AGBL1: variants seen among roughly 807,000 people sequenced by gnomAD.
The protein encoded by AGBL1 is AGBL carboxypeptidase 1, also known as cytosolic carboxypeptidase 4.
AGBL1 carries 130 observed loss-of-function variants against 118.9 expected under a neutral mutation model. That is an observed-to-expected ratio of 1.09 (90% CI 0.95 to 1.26). The LOEUF (loss-of-function observed/expected upper bound fraction) is 1.26. Among genes scored for constraint, AGBL1 ranks in the 50% most tolerant of loss-of-function variants. The probability of loss-of-function intolerance (pLI) is 0.00; values close to 1 mark genes in which losing one functional copy is unlikely to be tolerated. For synonymous variants in AGBL1, 555 were observed against 478.9 expected (o/e 1.16, Z -2.08); for missense variants, 1,584 against 1,298.1 (o/e 1.22, Z -3.38).
At chr15:86,963,923 A>C (rs1400407442) in intron 23 of AGBL1, among the ~76,000 whole-genome samples, 3 of 151,820 alleles carry the variant, frequency 2.0e-5, no homozygotes, top group Non-Finnish European at 4.4e-5. Flanking sequence ...ATTATGAGCG[A>C]TTCAAGGGTA....
chr15:86,854,072 G>A (rs899114586), intron 22 of AGBL1, among the ~76,000 whole-genome samples: 4 of 152,138 alleles, frequency 2.6e-5, no homozygotes, highest in Non-Finnish European at 5.9e-5. Context: ...GGCACTGAGA[G>A]AGTTGCAATA....
chr15:86,797,646 T>C (rs2078591638), intron 22 of AGBL1, among the ~76,000 whole-genome samples: 1 of 142,594 alleles, frequency 7.0e-6, no homozygotes, highest in African/African-American at 3.1e-5. Context: ...TATGGAAGAA[T>C]GACAGAGTGT....
intron 21 of AGBL1, among the ~76,000 whole-genome samples, chr15:86,634,357 C>T (rs1370492208): frequency 6.6e-6 from 1 of 152,060 alleles, no homozygotes; most frequent in Admixed American, 6.6e-5. Flanking sequence ...TGTGGTATTT[C>T]CATAGGGTGG....
At chr15:86,363,705 T>C (rs977422181) in intron 17 of AGBL1, among the ~76,000 whole-genome samples, 1 of 152,182 alleles carries the variant, frequency 6.6e-6, no homozygotes, top group African/African-American at 2.4e-5. Context: ...CTCAAATTCA[T>C]TAATTTAGGC....
Position 86,674,322 on chromosome 15 carries a change from G to T in AGBL1, c.3044G>T (p.Cys1015Phe), listed in dbSNP as rs181958589. 1 of 1,612,102 alleles carries T rather than the reference G, an allele frequency of 6.2e-7. No individual in the cohort carries two copies. Among genetic ancestry groups the T allele is most frequent in the South Asian group, 1.1e-5 (1 of 90,644 alleles). The change falls in exon 22 of 23, where the codon TGT (cysteine) becomes TTT (phenylalanine). Residue 1015 changes from cysteine (C) to phenylalanine (F), a missense_variant. Coordinates refer to ENST00000614907, the MANE Select transcript of AGBL1 (RefSeq NM_001386094.1). ...CTGGAGGAGATGGGAGCCATGTTCTGTTTGGGCCTCCTCATCCTGGAGCTC... is the reference window on the plus strand; with the variant it reads ...CTGGAGGAGATGGGAGCCATGTTCTTTTTGGGCCTCCTCATCCTGGAGCTC... ...RELEEMGAMFCLGLLILELKS... is the reference protein window; with the variant it reads ...RELEEMGAMFFLGLLILELKS...
At position 87,005,573 on chromosome 15, in the gene AGBL1, A is replaced by G. The variant is rs11855130; in HGVS notation, c.3323+17485A>G. Among the ~76,000 whole-genome samples, 5 of 152,054 alleles carry G rather than the reference A, an allele frequency of 3.3e-5. No homozygotes were observed. The South Asian group carries it at 8.3e-4, about 25-fold the overall frequency. On this transcript the variant is annotated intron_variant, in intron 24 of 24. Transcript: ENST00000441037. ...TTTAAGGACTTCTCTGCATTAGTCA[A>G]TCTGATTAGCCATTTGTCTAATCTT... is the stretch of plus-strand genomic sequence containing the variant.
chr15:86,238,565 T>C (rs762466628), intron 6 of AGBL1, among the ~76,000 whole-genome samples: 6 of 152,224 alleles, frequency 3.9e-5, no homozygotes, highest in Admixed American at 2.6e-4. Flanking sequence ...TTCTCAAATC[T>C]AAGTCTATCA....
chr15:86,202,600 A>G (rs11633537), intron 5 of AGBL1, among the ~76,000 whole-genome samples: 368 of 152,302 alleles, frequency 2.4e-3, no homozygotes, highest in Non-Finnish European at 3.6e-3. Context: ...CTGACTAACA[A>G]TGCTTTGTCA....
At chr15:86,445,695 C>T (rs2082112595) in intron 18 of AGBL1, among the ~76,000 whole-genome samples, 2 of 152,194 alleles carry the variant, frequency 1.3e-5, no homozygotes, top group East Asian at 1.9e-4. Context: ...TTCCCTCCAC[C>T]TGACCTCAGA....
At chr15:86,566,476 C>T (rs147435309) in intron 21 of AGBL1, among the ~76,000 whole-genome samples, 1 of 152,240 alleles carries the variant, frequency 6.6e-6, no homozygotes, top group African/African-American at 2.4e-5. Flanking sequence ...GGCAGCTCTC[C>T]ATCAGCAGGG....
chr15:86,823,764 A>G (rs2078972125), intron 22 of AGBL1, among the ~76,000 whole-genome samples: 1 of 152,142 alleles, frequency 6.6e-6, no homozygotes, highest in Non-Finnish European at 1.5e-5. Context: ...ATGTTTTATC[A>G]AAGACCCTAA....
At chr15:86,936,298 GATAAACAAGAAA>G (rs1268797317) in intron 23 of AGBL1, among the ~76,000 whole-genome samples, 1 of 151,940 alleles carries the variant, frequency 6.6e-6, no homozygotes, top group African/African-American at 2.4e-5. Context: ...GAGAACAACA[GATAAACAAGAAA>G]AAAAACAAAA....
chr15:86,708,798 G>A (rs2086501689), intron 22 of AGBL1, among the ~76,000 whole-genome samples: 1 of 151,938 alleles, frequency 6.6e-6, no homozygotes, highest in South Asian at 2.1e-4. Context: ...CCTAGGCCAG[G>A]CCCTCCTTGT....
chr15:86,984,863 A>G (rs894182973), intron 23 of AGBL1, among the ~76,000 whole-genome samples: 2 of 152,186 alleles, frequency 1.3e-5, no homozygotes, highest in Non-Finnish European at 2.9e-5. Context: ...CCACCACTAC[A>G]ATATATACAA....
intron 22 of AGBL1, among the ~76,000 whole-genome samples, chr15:86,708,600 T>C (rs1263298591): frequency 2.0e-5 from 3 of 152,188 alleles, no homozygotes; most frequent in Non-Finnish European, 4.4e-5. Flanking sequence ...GTATATATTA[T>C]GCCAGATTTC....
chr15:86,218,386 T>C (rs2078224105), intron 5 of AGBL1, among the ~76,000 whole-genome samples: 1 of 152,136 alleles, frequency 6.6e-6, no homozygotes, highest in African/African-American at 2.4e-5. Flanking sequence ...GAATGTTAGG[T>C]TGCTGGTATC....
Position 86,507,248 on chromosome 15 carries a change from A to G in AGBL1, c.2556-15562A>G, listed in dbSNP as rs530101771. On this transcript the variant is annotated intron_variant, in intron 18 of 22. Transcript: ENST00000614907. ...AAAAGAATCAAGCTTACTTATCAGT[A>G]AGAAAGATGAAGATCTAATCATTTC... Among the ~76,000 whole-genome samples, 8 of 152,272 alleles carry G rather than the reference A, an allele frequency of 5.3e-5. No homozygotes were observed. The South Asian group carries it at 1.7e-3, about 32-fold the overall frequency.
At chr15:86,771,737 C>G (rs1326602055) in intron 22 of AGBL1, among the ~76,000 whole-genome samples, 2 of 151,962 alleles carry the variant, frequency 1.3e-5, no homozygotes, top group Non-Finnish European at 2.9e-5. Context: ...ATGTAGTTGT[C>G]TTTCTCCTTA....
chr15:86,225,106 G>A (rs573652849), intron 6 of AGBL1, among the ~76,000 whole-genome samples, 155 bp downstream of exon 6: 1 of 148,664 alleles, frequency 6.7e-6, no homozygotes, highest in African/African-American at 2.5e-5. Context: ...AAGTGATAAA[G>A]TCATGTCGTG....
Sources: allele counts gnomAD v4.1 joint callset (sites outside exome capture counted in the v4.1 genomes callset), GRCh38; gene constraint gnomAD v4.1.1; transcripts MANE v1.5; gene names NCBI Gene and HGNC (gene_info 2026-07-23, HGNC 2026-07-21).